The following TDRP variants were observed in gnomAD, a reference collection of about 807,000 sequenced individuals.
The protein encoded by TDRP is testis development related protein.
A neutral mutation model predicts 10.5 loss-of-function variants in TDRP; 12 were observed. The ratio of observed to expected loss-of-function variants is 1.15; its 90% CI spans 0.73 to 1.86. The LOEUF is 1.86. TDRP is among the 40% of genes most tolerant of loss of function. TDRP has a pLI of 0.00. For missense variants in TDRP, 353 were observed against 229.2 expected (o/e 1.54, Z -3.49); for synonymous variants, 139 against 95.4 (o/e 1.46, Z -2.67).
At position 492,297 on chromosome 8, in the gene TDRP, A is replaced by T. The variant is rs1479138120; in HGVS notation, c.*102T>A. The T allele has an allele frequency of 7.4e-6, 10 of 1,355,542 alleles. No individual in the cohort carries two copies. The highest frequency in any genetic ancestry group is 8.6e-6 in the Non-Finnish European group (9 of 1,052,168). 84.0% of individuals were successfully genotyped at this position (1,355,542 alleles called of 1,614,324 possible). A position where few individuals can be genotyped will look rare whatever the true frequency, so the allele number is the denominator to read the frequency against. On this transcript the variant is annotated 3_prime_UTR_variant, in exon 3 of 3. Coordinates refer to ENST00000324079, the MANE Select transcript of TDRP (RefSeq NM_001384899.1). ...GGTCCAAATATCAAATATAGGCAAA[A>T]AGTAGACTCTCTATTCTTTCTAACG...
Position 523,134 on chromosome 8 carries a change from G to A in TDRP, c.108+21516C>T, listed in dbSNP as rs1260158707. Among the ~76,000 whole-genome samples, 5 of 152,142 alleles carry A rather than the reference G, an allele frequency of 3.3e-5. No homozygotes were observed. The South Asian group carries it at 1.0e-3, about 32-fold the overall frequency. On this transcript the variant is annotated intron_variant, in intron 1 of 2. Transcript: ENST00000324079. ...TGCTGACTTCCTTTAATATTTTGTA[G>A]TGAAATGTTTTTATTCCTTTTTCTT... is the stretch of plus-strand genomic sequence containing the variant.
rs764393155 is a variant in TDRP at position 516,597 on chromosome 8, C to T, written c.109-22000G>A. The stretch of plus-strand genomic sequence containing the variant: ...CTATCAGAACTGACAAAACCCAGAC[C>T]CCCACCACCAGATGCTGGCAAGGAC... On this transcript the variant is annotated intron_variant, in intron 1 of 2. Transcript: ENST00000324079. Among the ~76,000 whole-genome samples the T allele has an allele frequency of 2.0e-5, 3 of 152,092 alleles. 1 individual carries two copies. Among genetic ancestry groups the T allele is most frequent in the South Asian group, 4.2e-4 (2 of 4,816 alleles).
intron 1 of TDRP, among the ~76,000 whole-genome samples, chr8:508,410 G>A (rs1333064745): frequency 6.6e-6 from 1 of 152,192 alleles, no homozygotes; most frequent in Non-Finnish European, 1.5e-5. Flanking sequence ...GTTCCACATG[G>A]CTGGGAAGGC....
intron 1 of TDRP, among the ~76,000 whole-genome samples, chr8:506,989 A>G (rs1006169954): frequency 4.6e-5 from 7 of 152,212 alleles, no homozygotes; most frequent in African/African-American, 1.7e-4. Flanking sequence ...AAGAGGTTTA[A>G]TTGACTCACA....
At position 492,550 on chromosome 8, in the gene TDRP, C is replaced by T; in HGVS notation, c.407G>A (p.Trp136Ter). Residue 136 changes from tryptophan to a stop codon, truncating the protein, a stop_gained, in exon 3 of 3, where the codon TGG (tryptophan) becomes TAG (stop). Coordinates refer to ENST00000324079, the MANE Select transcript of TDRP (RefSeq NM_001384899.1). LOFTEE classifies it low-confidence loss of function (END_TRUNC). ...TVGGHPSWSG[W>*]EDDAKGSTKY... is the part of the protein sequence containing the mutation. ...GGTCGAGCCCTTGGCGTCATCCTCC[C>T]AGCCTGACCAGGATGGGTGGCCACC... 1 of 1,612,428 alleles carries T rather than the reference C, an allele frequency of 6.2e-7. No individual in the cohort carries two copies.
chr8:500,184 G>C (rs938654552), intron 1 of TDRP, among the ~76,000 whole-genome samples: 1 of 152,128 alleles, frequency 6.6e-6, no homozygotes, highest in Non-Finnish European at 1.5e-5. Context: ...TATTTTTCCT[G>C]TTTTAGCTAT....
At chr8:518,575 G>C (rs1801816073) in intron 1 of TDRP, among the ~76,000 whole-genome samples, 1 of 152,098 alleles carries the variant, frequency 6.6e-6, no homozygotes, top group African/African-American at 2.4e-5. Context: ...GTCTAGGAAA[G>C]CTGAGTAACT....
At chr8:493,330 C>G (rs568770220) in intron 2 of TDRP, among the ~76,000 whole-genome samples, 1 of 152,330 alleles carries the variant, frequency 6.6e-6, no homozygotes, top group South Asian at 2.1e-4. Flanking sequence ...ACACCAGTGC[C>G]CAGGCCCTCT....
chr8:534,365 A>C (rs938382327), intron 1 of TDRP, among the ~76,000 whole-genome samples: 1 of 152,236 alleles, frequency 6.6e-6, no homozygotes, highest in Non-Finnish European at 1.5e-5. Flanking sequence ...TCTGAATAAC[A>C]ACTTTTCATC....
rs759540788 is a variant in TDRP at position 492,529 on chromosome 8, G to A, written c.428C>T (p.Ser143Leu). ...WSGWEDDAKGSTKYTSLASSA... is the reference protein window; with the variant it reads ...WSGWEDDAKGLTKYTSLASSA... ...GCTGGCCAGGCTGGTGTACTTGGTC[G>A]AGCCCTTGGCGTCATCCTCCCAGCC... The change falls in exon 3 of 3, where the codon TCG becomes TTG. Residue 143 changes from serine (S) to leucine (L), a missense_variant. Coordinates refer to ENST00000324079, the MANE Select transcript of TDRP (RefSeq NM_001384899.1). 18 of 1,610,642 alleles carry A rather than the reference G, an allele frequency of 1.1e-5. No homozygotes were observed. The highest frequency in any genetic ancestry group is 1.6e-4 in the Middle Eastern group (1 of 6,076).
intron 1 of TDRP, among the ~76,000 whole-genome samples, chr8:540,393 C>A (rs762386896): frequency 1.3e-5 from 2 of 152,172 alleles, no homozygotes; most frequent in Non-Finnish European, 1.5e-5. Context: ...TCTGAACACA[C>A]ACCTATGTAT....
chr8:524,177 G>C (rs1370261514), intron 1 of TDRP, among the ~76,000 whole-genome samples: 1 of 152,164 alleles, frequency 6.6e-6, no homozygotes, highest in East Asian at 1.9e-4. Context: ...GAATTATCCT[G>C]GATCTTAACC....
intron 1 of TDRP, among the ~76,000 whole-genome samples, chr8:530,095 T>C (rs903458273): frequency 2.0e-5 from 3 of 152,190 alleles, no homozygotes; most frequent in African/African-American, 7.2e-5. Flanking sequence ...AAATGAGCTG[T>C]TGAGTTTGAC....
chr8:502,776 G>A (rs1009265547), intron 1 of TDRP, among the ~76,000 whole-genome samples: 3 of 151,550 alleles, frequency 2.0e-5, no homozygotes, highest in Admixed American at 1.3e-4. Flanking sequence ...CATCAACATG[G>A]AATCCAGAGC....
At chr8:525,464 T>C (rs1389784358) in intron 1 of TDRP, among the ~76,000 whole-genome samples, 1 of 152,226 alleles carries the variant, frequency 6.6e-6, no homozygotes, top group Non-Finnish European at 1.5e-5. Flanking sequence ...ATGTAGTTTA[T>C]ACTTTAAATG....
chr8:527,427 T>C (rs548743282), intron 1 of TDRP, among the ~76,000 whole-genome samples: 43 of 151,828 alleles, frequency 2.8e-4, no homozygotes, highest in Admixed American at 7.9e-4. Flanking sequence ...AAAATGTATA[T>C]GGAATCACAA....
At chr8:522,220 A>C (rs947374867) in intron 1 of TDRP, among the ~76,000 whole-genome samples, 5 of 152,062 alleles carry the variant, frequency 3.3e-5, no homozygotes, top group African/African-American at 1.2e-4. Context: ...ACATTTGAGC[A>C]CTCTGCTGTC....
chr8:540,683 G>C (rs910272536), intron 1 of TDRP, among the ~76,000 whole-genome samples: 23 of 151,766 alleles, frequency 1.5e-4, no homozygotes, highest in African/African-American at 5.6e-4. Flanking sequence ...GATTCTCAGA[G>C]AAGTTTATTT....
chr8:538,548 T>C (rs1279047370), intron 1 of TDRP, among the ~76,000 whole-genome samples: 1 of 152,156 alleles, frequency 6.6e-6, no homozygotes. Flanking sequence ...AAAACAAAAC[T>C]GATACTTGGC....
Sources: gnomAD v4.1 joint callset for allele counts (sites outside exome capture counted in the v4.1 genomes callset) on GRCh38, gnomAD v4.1.1 for gene constraint, MANE v1.5 for transcripts, NCBI Gene and HGNC (gene_info 2026-07-23, HGNC 2026-07-21) for gene names.